The following TTLL1 variants were observed in gnomAD, a reference collection of about 807,000 sequenced individuals.
TTLL1 encodes the protein polyglutamylase complex subunit TTLL1.
TTLL1 carries 33 observed loss-of-function variants against 47.8 expected under a neutral mutation model. The observed-to-expected ratio is 0.69, with a 90% CI of 0.52 to 0.92. The LOEUF is 0.92. Ranked by LOEUF, TTLL1 falls within the 40% of genes least tolerant of loss-of-function variation. TTLL1 has a pLI of 0.00. For missense variants in TTLL1, 488 were observed against 547.5 expected (o/e 0.89, Z 1.08); for synonymous variants, 225 against 214.1 (o/e 1.05, Z -0.45).
chr22:43,076,713 T>C (rs1928523368), intron 2 of TTLL1, among the ~76,000 whole-genome samples: 1 of 151,602 alleles, frequency 6.6e-6, no homozygotes. Flanking sequence ...ATTGCGCCAC[T>C]GCACCCCAGC....
chr22:43,055,352 G>A (rs1305420458), intron 8 of TTLL1, among the ~76,000 whole-genome samples: 1 of 148,480 alleles, frequency 6.7e-6, no homozygotes, highest in Non-Finnish European at 1.5e-5. Context: ...TTTTTTTTGA[G>A]ACAAGGTCTC....
chr22:43,086,385 A>AG (rs1342968165), intron 1 of TTLL1, among the ~76,000 whole-genome samples: 1 of 152,192 alleles, frequency 6.6e-6, no homozygotes, highest in African/African-American at 2.4e-5. Context: ...GGTTATTTTC[A>AG]GAAGACAACC....
At chr22:43,057,871 G>A (rs58430182) in intron 8 of TTLL1, among the ~76,000 whole-genome samples, 5,338 of 151,684 alleles carry the variant, frequency 0.035, 327 homozygotes, top group African/African-American at 0.12. Flanking sequence ...CTGGGCCTCC[G>A]TTTTCCCAGG....
intron 9 of TTLL1, among the ~76,000 whole-genome samples, chr22:43,050,264 A>G (rs1050407840): frequency 6.7e-6 from 1 of 149,776 alleles, no homozygotes; most frequent in African/African-American, 2.5e-5. Context: ...AAAAATACAA[A>G]AATTAGCTGG....
chr22:43,087,946 G>A (rs955983208), intron 1 of TTLL1, among the ~76,000 whole-genome samples: 33 of 149,636 alleles, frequency 2.2e-4, no homozygotes, highest in African/African-American at 7.9e-4. Context: ...TCAGGAGCTC[G>A]AGACCAGCCT....
intron 1 of TTLL1, among the ~76,000 whole-genome samples, chr22:43,087,281 T>C (rs1929283637): frequency 6.6e-6 from 1 of 152,182 alleles, no homozygotes; most frequent in Admixed American, 6.6e-5. Context: ...TACAGATTCT[T>C]TGGGAGGCCA....
At chr22:43,088,103 G>A (rs900594411) in intron 1 of TTLL1, among the ~76,000 whole-genome samples, 6 of 150,046 alleles carry the variant, frequency 4.0e-5, no homozygotes, top group Admixed American at 6.7e-5. Flanking sequence ...AGCCGAGAGC[G>A]ACCGCACTCC....
intron 1 of TTLL1, among the ~76,000 whole-genome samples, 195 bp downstream of exon 1, chr22:43,089,082 A>G (rs1929439618): frequency 6.6e-6 from 1 of 152,260 alleles, no homozygotes; most frequent in Admixed American, 6.5e-5. Context: ...ATAGGAACTC[A>G]GCGGACGGAG....
chr22:43,067,784 T>G (rs992300669), intron 5 of TTLL1, among the ~76,000 whole-genome samples: 1 of 151,526 alleles, frequency 6.6e-6, no homozygotes, highest in East Asian at 2.0e-4. Context: ...CCAGCCTGGC[T>G]AACAGGGCAA....
intron 6 of TTLL1, 101 bp from the exon 7 acceptor site, chr22:43,064,022 A>G (rs1170967407): frequency 2.0e-6 from 3 of 1,488,654 alleles, no homozygotes; most frequent in South Asian, 1.2e-5. Context: ...TGTGATTTAC[A>G]CGACTCACAT....
intron 4 of TTLL1, 167 bp downstream of exon 4, chr22:43,069,469 C>T: frequency 8.0e-7 from 1 of 1,250,234 alleles, no homozygotes; most frequent in Non-Finnish European, 1.1e-6. Flanking sequence ...ACTCAGGCCC[C>T]TCCTTCTCCC....
intron 3 of TTLL1, among the ~76,000 whole-genome samples, chr22:43,070,753 C>G (rs539938792): frequency 3.9e-5 from 6 of 152,164 alleles, no homozygotes; most frequent in African/African-American, 1.2e-4. Flanking sequence ...ACCTCCACCC[C>G]CCTCAGCACT....
At chr22:43,075,822 T>G (rs568544732) in intron 2 of TTLL1, among the ~76,000 whole-genome samples, 3 of 152,292 alleles carry the variant, frequency 2.0e-5, no homozygotes, top group Admixed American at 2.0e-4. Context: ...GGGATGCTGC[T>G]CGATGTCCGA....
chr22:43,088,786 C>A (rs369848460), intron 1 of TTLL1, among the ~76,000 whole-genome samples: 2 of 152,152 alleles, frequency 1.3e-5, no homozygotes, highest in African/African-American at 4.8e-5. Flanking sequence ...TCCTCTAATG[C>A]CCCAGCTACT....
chr22:43,045,899 A>G (rs1193581724), intron 10 of TTLL1, among the ~76,000 whole-genome samples: 1 of 152,144 alleles, frequency 6.6e-6, no homozygotes, highest in East Asian at 1.9e-4. Context: ...GAGTAGGAGC[A>G]TACACAATGA....
chr22:43,048,370 C>T (rs1272348523), intron 9 of TTLL1, among the ~76,000 whole-genome samples: 2 of 151,346 alleles, frequency 1.3e-5, no homozygotes, highest in Non-Finnish European at 2.9e-5. Context: ...TGCAGTGGCT[C>T]ACACCTATAA....
In TTLL1 at chr22:43,069,912, C is replaced by T; in HGVS notation, c.114-68G>A. On this transcript the variant is annotated intron_variant, in intron 3 of 10. Coordinates refer to ENST00000266254, the MANE Select transcript of TTLL1 (RefSeq NM_012263.5). ...TGTGGCAGAAGTCCTTTGTTCCCGT[C>T]CCCGCAAACACCCTGAACCCTCAGC... The T allele has an allele frequency of 2.5e-6, 4 of 1,575,594 alleles. No individual in the cohort carries two copies. In the East Asian group the frequency reaches 6.9e-5, roughly 27 times the overall value.
intron 1 of TTLL1, among the ~76,000 whole-genome samples, chr22:43,080,259 TG>T (rs989478022): frequency 2.6e-5 from 4 of 152,054 alleles, no homozygotes; most frequent in African/African-American, 9.7e-5. Flanking sequence ...TTCCCCATGT[TG>T]GCCAGGCTGG....
chr22:43,086,505 C>T (rs1048583397), intron 1 of TTLL1, among the ~76,000 whole-genome samples: 1 of 152,132 alleles, frequency 6.6e-6, no homozygotes, highest in African/African-American at 2.4e-5. Context: ...TCTCATCCAC[C>T]CACACAGCCC....
Sources: allele counts gnomAD v4.1 joint callset (sites outside exome capture counted in the v4.1 genomes callset), GRCh38; gene constraint gnomAD v4.1.1; transcripts MANE v1.5; gene names NCBI Gene and HGNC (gene_info 2026-07-23, HGNC 2026-07-21).